TAFA4: variants seen among roughly 807,000 people sequenced by gnomAD.
TAFA4 encodes the protein TAFA chemokine like family member 4.
In TAFA4, 20 loss-of-function variants were observed where a neutral mutation model predicts 21.1. The ratio of observed to expected loss-of-function variants is 0.95; its 90% CI spans 0.67 to 1.38. The LOEUF (loss-of-function observed/expected upper bound fraction) is 1.38. TAFA4 is among the 40% of genes most tolerant of loss of function. The pLI, the probability that TAFA4 is intolerant of heterozygous loss-of-function variation, is 0.00. For synonymous variants in TAFA4, 71 were observed against 67.4 expected, an observed-to-expected ratio of 1.05 and a Z score of -0.26; for missense variants, 211 against 180.9, an observed-to-expected ratio of 1.17 and a Z score of -0.95.
chr3:68,919,197 G>A (rs1272815542), intron 1 of TAFA4, among the ~76,000 whole-genome samples: 1 of 152,218 alleles, frequency 6.6e-6, no homozygotes, highest in Non-Finnish European at 1.5e-5. Flanking sequence ...AGGTGCTTAA[G>A]GTTAATGGCT....
At chr3:68,810,031 G>C (rs187725166) in intron 3 of TAFA4, among the ~76,000 whole-genome samples, 15 of 152,170 alleles carry the variant, frequency 9.9e-5, no homozygotes, top group South Asian at 2.1e-4. Flanking sequence ...TGTTCTTTTT[G>C]TTCAAGATTG....
In TAFA4 at chr3:68,890,763, A is replaced by C. The variant is rs531321715; in HGVS notation, c.-122-5453T>G. ...TACCAGTCCCTTTTCATGCTTTAGT[A>C]AACAGGAGGAAAATAAATCTTTCTT... On this transcript the variant is annotated intron_variant, in intron 1 of 5. Transcript: ENST00000295569. 6.0e-4 allele frequency among the ~76,000 whole-genome samples: 91 copies of C among 152,318 alleles called. 1 individual carries two copies. Among genetic ancestry groups the C allele is most frequent in the African/African-American group, 2.0e-3 (82 of 41,572 alleles).
Position 68,880,855 on chromosome 3 carries a change from A to G in TAFA4, c.15-10T>C, listed in dbSNP as rs753693343. 1 of 1,611,450 alleles carries G rather than the reference A, an allele frequency of 6.2e-7. No homozygotes were observed. The highest frequency in any genetic ancestry group is 1.1e-5 in the South Asian group (1 of 90,956). ...AGCACAGACTCTCATCCTGGAGGAAAAGCAGGGCTGGAGTCAGTGAGGGCT... is the reference window on the plus strand; with the variant it reads ...AGCACAGACTCTCATCCTGGAGGAAGAGCAGGGCTGGAGTCAGTGAGGGCT... On this transcript the variant is annotated splice_polypyrimidine_tract_variant and intron_variant, in intron 2 of 5. Transcript: ENST00000295569.
Position 68,880,776 on chromosome 3 carries a change from G to A in TAFA4, c.84C>T (p.Cys28=). ...GGCTTGAGGCGGACATCAGCTTACA[G>A]CACACCATTAACACGTAGGCTAGAA... ...WLFLAYVLMV[C]CKLMSASSQH... is the part of the protein sequence containing the mutation. The change falls in exon 3 of 6, where the codon TGC becomes TGT. Residue 28 remains cysteine, a synonymous_variant. Transcript: ENST00000295569. 3.1e-6 allele frequency: 5 copies of A among 1,613,938 alleles called. No homozygotes were observed. Among genetic ancestry groups the A allele is most frequent in the Non-Finnish European group, 4.2e-6 (5 of 1,179,960 alleles).
chr3:68,840,374 A>G (rs1206898724), intron 3 of TAFA4, among the ~76,000 whole-genome samples: 1 of 151,724 alleles, frequency 6.6e-6, no homozygotes, highest in East Asian at 1.9e-4. Flanking sequence ...ATGCCCAACT[A>G]ATTTTTGTAT....
chr3:68,814,989 G>A (rs944696450), intron 3 of TAFA4, among the ~76,000 whole-genome samples: 12 of 152,066 alleles, frequency 7.9e-5, no homozygotes, highest in African/African-American at 2.9e-4. Context: ...GAACAGAACC[G>A]AGGCCTCAAA....
intron 3 of TAFA4, among the ~76,000 whole-genome samples, chr3:68,785,345 G>A (rs1321182355): frequency 6.6e-6 from 1 of 152,224 alleles, no homozygotes; most frequent in Non-Finnish European, 1.5e-5. Context: ...CGATGGGACT[G>A]GGCGCCTGGA....
intron 1 of TAFA4, among the ~76,000 whole-genome samples, chr3:68,905,210 A>C (rs1398351740): frequency 7.4e-6 from 1 of 134,898 alleles, no homozygotes. Flanking sequence ...GCTAGAGTGC[A>C]AGTGGTGCGA....
chr3:68,921,364 C>T lies in TAFA4; in HGVS notation c.-123+10876G>A, dbSNP rs114606039. ...TTCACAAACTTCCAATTTTTTTAAA[C>T]AAGTGAAGAAAAAAAAGCAAGCTCT... On this transcript the variant is annotated intron_variant, in intron 1 of 5. Coordinates refer to ENST00000295569, the MANE Select transcript of TAFA4 (RefSeq NM_182522.5). Among the ~76,000 whole-genome samples, 306 of 151,872 alleles carry T rather than the reference C, an allele frequency of 2.0e-3. 1 individual carries two copies. The highest frequency in any genetic ancestry group is 7.1e-3 in the African/African-American group (295 of 41,398).
chr3:68,791,129 T>C (rs750138637), intron 3 of TAFA4, among the ~76,000 whole-genome samples: 4 of 152,214 alleles, frequency 2.6e-5, no homozygotes, highest in Non-Finnish European at 4.4e-5. Flanking sequence ...GGGGCACTAG[T>C]CACACTGTCC....
At chr3:68,804,599 A>G (rs1397897290) in intron 3 of TAFA4, among the ~76,000 whole-genome samples, 1 of 152,218 alleles carries the variant, frequency 6.6e-6, no homozygotes, top group Non-Finnish European at 1.5e-5. Context: ...TGGTACCAAA[A>G]CAGAGATATA....
intron 3 of TAFA4, among the ~76,000 whole-genome samples, chr3:68,868,812 A>G (rs974699678): frequency 6.6e-6 from 1 of 151,942 alleles, no homozygotes. Context: ...CAAATAAACA[A>G]TGATACATCT....
intron 1 of TAFA4, among the ~76,000 whole-genome samples, chr3:68,900,042 C>A (rs1375388249): frequency 6.8e-6 from 1 of 147,556 alleles, no homozygotes; most frequent in Non-Finnish European, 1.5e-5. Context: ...AGTTCAAGAC[C>A]AACCTGGGCA....
At position 68,932,546 on chromosome 3, in the gene TAFA4, G is replaced by C. The variant is rs2090169324; in HGVS notation, c.-429C>G. The C allele has an allele frequency of 1.3e-5, 2 of 152,170 alleles. No homozygotes were observed. The highest frequency in any genetic ancestry group is 4.1e-4 in the South Asian group (2 of 4,838). 9.4% of individuals were successfully genotyped at this position (152,170 alleles called of 1,614,324 possible). ...TCCAGGGCGGCGCGCAGCTAGCAGTGCGGAGCCGAGCCCAGCTAGCGCGCT... is the reference window on the plus strand; with the variant it reads ...TCCAGGGCGGCGCGCAGCTAGCAGTCCGGAGCCGAGCCCAGCTAGCGCGCT... On this transcript the variant is annotated 5_prime_UTR_variant, in exon 1 of 6. Transcript: ENST00000295569.
At chr3:68,874,783 TACAC>T (rs10574878) in intron 3 of TAFA4, among the ~76,000 whole-genome samples, 13 of 149,522 alleles carry the variant, frequency 8.7e-5, no homozygotes, top group East Asian at 2.0e-4. Flanking sequence ...ACCCTTTCTT[TACAC>T]ACACACACAC....
At chr3:68,905,965 C>T (rs1168267444) in intron 1 of TAFA4, among the ~76,000 whole-genome samples, 2 of 152,148 alleles carry the variant, frequency 1.3e-5, no homozygotes, top group African/African-American at 2.4e-5. Flanking sequence ...GTTAACTGGG[C>T]CTAAACCGAA....
chr3:68,815,324 A>G (rs1362311468), intron 3 of TAFA4, among the ~76,000 whole-genome samples: 3 of 152,248 alleles, frequency 2.0e-5, no homozygotes, highest in Admixed American at 2.0e-4. Flanking sequence ...GGATCTCATT[A>G]AAGTAAAGAG....
intron 3 of TAFA4, among the ~76,000 whole-genome samples, chr3:68,771,371 C>T (rs1490949038): frequency 1.3e-5 from 2 of 152,210 alleles, no homozygotes; most frequent in East Asian, 3.9e-4. Context: ...GCAGACATGA[C>T]ACCCCTAGAC....
chr3:68,803,145 T>A (rs199727378), intron 3 of TAFA4, among the ~76,000 whole-genome samples: 2 of 44,988 alleles, frequency 4.4e-5, no homozygotes, highest in South Asian at 1.1e-3. Flanking sequence ...AGCCAGTTAT[T>A]ATTTTGTAGT....
Sources: gnomAD v4.1 joint callset for allele counts (sites outside exome capture counted in the v4.1 genomes callset) on GRCh38, gnomAD v4.1.1 for gene constraint, MANE v1.5 for transcripts, NCBI Gene and HGNC (gene_info 2026-07-23, HGNC 2026-07-21) for gene names.